Variants in C6orf89 observed in about 807,000 individuals in gnomAD.
C6orf89 encodes bombesin receptor-activated protein C6orf89.
A neutral mutation model predicts 40.7 loss-of-function variants in C6orf89; 29 were observed. The observed-to-expected ratio is 0.71, with a 90% confidence interval of 0.53 to 0.97. The LOEUF (loss-of-function observed/expected upper bound fraction) is 0.97. Ranked by LOEUF, C6orf89 falls within the 50% of genes least tolerant of loss-of-function variation. The probability of loss-of-function intolerance (pLI) is 0.00; values close to 1 mark genes in which losing one functional copy is unlikely to be tolerated. For missense variants in C6orf89, 392 were observed against 429.1 expected (o/e 0.91, Z 0.76); for synonymous variants, 165 against 152.2 (o/e 1.08, Z -0.62).
At chr6:36,895,282 C>G (rs1304992486) in intron 2 of C6orf89, among the ~76,000 whole-genome samples, 1 of 152,138 alleles carries the variant, frequency 6.6e-6, no homozygotes, top group Non-Finnish European at 1.5e-5. Context: ...AGATCATCTA[C>G]TCCTGAATTA....
rs975108331 is a variant in C6orf89, at chr6:36,928,555, T to C, written c.*5114T>C. The C allele has an allele frequency of 6.6e-6, 1 of 152,408 alleles. No individual in the cohort carries two copies. Among genetic ancestry groups the C allele is most frequent in the Non-Finnish European group, 1.5e-5 (1 of 68,160 alleles). The allele number at this position is 152,408 out of a possible 1,614,324, so 9.4% of individuals were successfully genotyped here. A position where few individuals can be genotyped will look rare whatever the true frequency, so the allele number is the denominator to read the frequency against. On this transcript the variant is annotated 3_prime_UTR_variant, in exon 9 of 9. Transcript: ENST00000480824. ...CAGACAGGCTTCCCTCCATACTTCT[T>C]TCCACAGTTTTACCCTCAGAAAAAT...
Position 36,916,551 on chromosome 6 carries a change from C to G in C6orf89, c.802C>G (p.Pro268Ala), listed in dbSNP as rs778327673. 1.9e-5 allele frequency: 31 copies of G among 1,614,050 alleles called. No homozygotes were observed. In the South Asian group the frequency reaches 3.0e-4, roughly 15 times the overall value. Residue 268 changes from proline to alanine, a missense_variant, in exon 7 of 9, where the codon CCA becomes GCA. Pro to Ala is a conservative substitution (Grantham distance 27). Transcript: ENST00000480824. Reference sequence around the variant, plus strand: ...TTTAAACAAGTGCTCCTTTCTTCACCCAGAACCTGTTGTGGGGAGTAAGGT... The same window carrying G: ...TTTAAACAAGTGCTCCTTTCTTCACGCAGAACCTGTTGTGGGGAGTAAGGT... The part of the protein sequence containing the change: ...ASLNKCSFLH[P>A]EPVVGSKMHK...
chr6:36,874,761 A>G (rs1307003470), intron 1 of C6orf89: 3 of 1,613,988 alleles, frequency 1.9e-6, no homozygotes, highest in Admixed American at 1.7e-5. Flanking sequence ...AATCTGGGGG[A>G]ATTGCCGCCA....
At chr6:36,913,622 T>C (rs1164228396) in intron 4 of C6orf89, among the ~76,000 whole-genome samples, 1 of 152,180 alleles carries the variant, frequency 6.6e-6, no homozygotes, top group Admixed American at 6.5e-5. Context: ...GGTTAGAAAA[T>C]GTTGGGGGAA....
rs1226951343 is a variant in C6orf89 at position 36,919,608 on chromosome 6, G to A, written c.856G>A (p.Gly286Ser). Residue 286 changes from glycine to serine, a missense_variant, in exon 8 of 9, where the codon GGC (glycine) becomes AGC (serine). Transcript: ENST00000480824. Reference sequence around the variant, plus strand: ...TAAGATGCCTGACCTATTTATCATTGGCAGCGGTGAGGCCATGTTGCAGCT... The same window carrying A: ...TAAGATGCCTGACCTATTTATCATTAGCAGCGGTGAGGCCATGTTGCAGCT... ...MHKMPDLFIIGSGEAMLQLIP... is the reference protein window; with the variant it reads ...MHKMPDLFIISSGEAMLQLIP... 1 of 1,613,812 alleles carries A rather than the reference G, an allele frequency of 6.2e-7. No individual in the cohort carries two copies. Among genetic ancestry groups the A allele is most frequent in the Non-Finnish European group, 8.5e-7 (1 of 1,179,900 alleles).
At chr6:36,902,131 A>G in intron 3 of C6orf89, 90 bp from the exon 4 acceptor site, 1 of 1,054,150 alleles carries the variant, frequency 9.5e-7, no homozygotes. Flanking sequence ...CATTGGAAGT[A>G]GCAGAAGAAG....
At chr6:36,894,872 C>G (rs1348765468) in intron 2 of C6orf89, among the ~76,000 whole-genome samples, 2 of 152,132 alleles carry the variant, frequency 1.3e-5, no homozygotes, top group Non-Finnish European at 2.9e-5. Flanking sequence ...CTGAAGTGTT[C>G]ATAGATTCTT....
chr6:36,897,649 G>A (rs1561862901), intron 2 of C6orf89, among the ~76,000 whole-genome samples: 1 of 152,222 alleles, frequency 6.6e-6, no homozygotes, highest in Non-Finnish European at 1.5e-5. Flanking sequence ...CCAGGTATGA[G>A]CATTTATGAA....
At chr6:36,872,101 A>G in intron 1 of C6orf89, 1 of 367,184 alleles carries the variant, frequency 2.7e-6, no homozygotes, top group Non-Finnish European at 4.8e-6. Context: ...TTTTCAGCAA[A>G]ATAACAAGCA....
chr6:36,924,339 T>C lies in C6orf89; in HGVS notation c.*898T>C, dbSNP rs2150721060. The C allele has an allele frequency of 6.6e-6, 1 of 152,392 alleles. No individual in the cohort carries two copies. The highest frequency in any genetic ancestry group is 1.5e-5 in the Non-Finnish European group (1 of 68,078). 9.4% of individuals were successfully genotyped at this position (152,392 alleles called of 1,614,324 possible). ...GAGGGTGCCTCCCTGGGTTTGATCT[T>C]TAGGGTCTGACTTTCTGCAGAGAAG... On this transcript the variant is annotated 3_prime_UTR_variant, in exon 9 of 9. Transcript: ENST00000480824.
intron 4 of C6orf89, among the ~76,000 whole-genome samples, chr6:36,903,206 C>T (rs531772127): frequency 4.6e-5 from 7 of 151,214 alleles, no homozygotes; most frequent in East Asian, 2.0e-4. Flanking sequence ...GGCAACATAG[C>T]GAGACCCTGC....
chr6:36,893,715 T>C (rs985138458), intron 1 of C6orf89, among the ~76,000 whole-genome samples: 3 of 152,150 alleles, frequency 2.0e-5, no homozygotes, highest in Non-Finnish European at 4.4e-5. Context: ...TGGATCACTT[T>C]AGGCCAGGAG....
chr6:36,895,753 A>C (rs770067334), intron 2 of C6orf89, among the ~76,000 whole-genome samples: 61 of 152,152 alleles, frequency 4.0e-4, no homozygotes, highest in Non-Finnish European at 2.9e-5. Flanking sequence ...TCATCAGTTC[A>C]TGGACATTTG....
intron 3 of C6orf89, among the ~76,000 whole-genome samples, chr6:36,900,487 T>G (rs1761633688): frequency 6.7e-6 from 1 of 149,810 alleles, no homozygotes; most frequent in Admixed American, 6.6e-5. Context: ...CAGGCCTAAG[T>G]CATCGCACCT....
chr6:36,902,121 CAT>C (rs1176461819), intron 3 of C6orf89, 98 bp from the exon 4 acceptor site: 5 of 952,464 alleles, frequency 5.2e-6, no homozygotes. Flanking sequence ...TCTTAAGGCA[CAT>C]TGGAAGTAGC....
chr6:36,914,248 C>T (rs1171396841), intron 4 of C6orf89, 36 bp from the exon 5 acceptor site: 1 of 1,576,650 alleles, frequency 6.3e-7, no homozygotes, highest in Admixed American at 1.8e-5. Context: ...TATGCTCTTT[C>T]AGTATCTGTT....
chr6:36,871,850 G>A (rs1344518681), upstream of C6orf89: 23 of 1,596,084 alleles, frequency 1.4e-5, no homozygotes, highest in Non-Finnish European at 1.9e-5. Flanking sequence ...TTCCAGTACA[G>A]CTCCAGCACA....
In C6orf89 at chr6:36,912,905, CA is replaced by C. The variant is rs147598970; in HGVS notation, c.404-1378del. ...CAGAAAATGTTTTGTGGTTAAGAGTCAGTTTCCAAGTATGTTTATTGGTTTA... is the reference window on the plus strand; with the variant it reads ...CAGAAAATGTTTTGTGGTTAAGAGTCGTTTCCAAGTATGTTTATTGGTTTA... On this transcript the variant is annotated intron_variant, in intron 4 of 8. Coordinates refer to ENST00000480824, the MANE Select transcript of C6orf89 (RefSeq NM_001286635.2). Among the ~76,000 whole-genome samples, 576 of 152,302 alleles carry C rather than the reference CA, an allele frequency of 3.8e-3. 1 individual carries two copies. The highest frequency in any genetic ancestry group is 0.013 in the African/African-American group (554 of 41,558).
intron 1 of C6orf89, among the ~76,000 whole-genome samples, chr6:36,893,495 C>A (rs774575426): frequency 6.6e-6 from 1 of 152,184 alleles, no homozygotes; most frequent in Non-Finnish European, 1.5e-5. Context: ...GTGTCATAAT[C>A]TCTCGGAAGA....
Sources: allele counts gnomAD v4.1 joint callset (sites outside exome capture counted in the v4.1 genomes callset), GRCh38; gene constraint gnomAD v4.1.1; transcripts MANE v1.5; gene names NCBI Gene and HGNC (gene_info 2026-07-23, HGNC 2026-07-21).